Variants in CFHR2 observed in about 807,000 individuals in gnomAD.
The protein encoded by CFHR2 is complement factor H related 2, also known as complement factor H-related protein 2.
Under a neutral mutation model 21.7 loss-of-function variants are expected in CFHR2, and 22 were observed. The observed-to-expected ratio is 1.01, with a 90% CI of 0.72 to 1.45. The LOEUF (loss-of-function observed/expected upper bound fraction) is 1.45, where lower values mean the gene tolerates loss of function less well. Among genes scored for constraint, CFHR2 ranks in the 40% most tolerant of loss-of-function variants. The pLI is 0.00. For missense variants in CFHR2, 294 were observed against 293.3 expected, an observed-to-expected ratio of 1.00 and a Z score of -0.02; for synonymous variants, 98 against 97.4, an observed-to-expected ratio of 1.01 and a Z score of -0.04.
At chr1:196,949,939 G>C (rs952443960) in intron 2 of CFHR2, among the ~76,000 whole-genome samples, 18 of 152,034 alleles carry the variant, frequency 1.2e-4, no homozygotes, top group Admixed American at 1.1e-3. Flanking sequence ...ATATTCATTT[G>C]GCAGCAGCCT....
At chr1:196,948,366 C>T (rs1428913991) in intron 1 of CFHR2, among the ~76,000 whole-genome samples, 5 of 152,214 alleles carry the variant, frequency 3.3e-5, no homozygotes, top group African/African-American at 1.2e-4. Context: ...ACATACCCCT[C>T]CTGGGTTCAA....
At chr1:196,958,200 G>A (rs1652972303) in intron 4 of CFHR2, 127 bp downstream of exon 4, 1 of 869,028 alleles carries the variant, frequency 1.2e-6, no homozygotes, top group Non-Finnish European at 1.7e-6. Context: ...CCTACCAAAT[G>A]TCTATATGAT....
rs763376449 is a variant in CFHR2 at position 196,958,078 on chromosome 1, G to A, written c.613+5G>A. 8.1e-6 allele frequency: 13 copies of A among 1,611,872 alleles called. No homozygotes were observed. The highest frequency in any genetic ancestry group is 1.6e-4 in the Middle Eastern group (1 of 6,072). ...CAGAACCACCAAAATGCTTAGGTAA[G>A]TACTTTAATATTCTCATGGATTCTG... On this transcript the variant is annotated splice_donor_5th_base_variant and intron_variant, in intron 4 of 4. Coordinates refer to ENST00000367415, the MANE Select transcript of CFHR2 (RefSeq NM_005666.4).
intron 1 of CFHR2, among the ~76,000 whole-genome samples, chr1:196,946,773 T>C (rs1558266316): frequency 6.6e-6 from 1 of 152,190 alleles, no homozygotes; most frequent in Non-Finnish European, 1.5e-5. Flanking sequence ...ACATTAACCG[T>C]TTTACAGTTA....
chr1:196,954,190 T>C (rs1427195112), intron 3 of CFHR2, among the ~76,000 whole-genome samples: 2 of 152,126 alleles, frequency 1.3e-5, no homozygotes, highest in African/African-American at 2.4e-5. Flanking sequence ...ATGGGCGAAA[T>C]TGGCCAAAAG....
chr1:196,953,719 G>C (rs1199024287), intron 3 of CFHR2, among the ~76,000 whole-genome samples: 3 of 152,156 alleles, frequency 2.0e-5, no homozygotes, highest in African/African-American at 7.2e-5. Flanking sequence ...AGTGAAATGA[G>C]TCATATTCTA....
intron 3 of CFHR2, among the ~76,000 whole-genome samples, chr1:196,956,991 G>T (rs1360449009): frequency 1.3e-5 from 2 of 152,150 alleles, no homozygotes; most frequent in Non-Finnish European, 2.9e-5. Context: ...CATGTGGGTA[G>T]AAGTCTAGGT....
Position 196,957,917 on chromosome 1 carries a change from C to T in CFHR2, c.457C>T (p.Pro153Ser), listed in dbSNP as rs758379031. The part of the protein sequence containing the change: ...TISAEKCGPP[P>S]PIDNGDITSF... ...TTCTGCAGAAAAATGTGGGCCCCCTCCACCTATTGACAATGGAGACATTAC... is the reference window on the plus strand; with the variant it reads ...TTCTGCAGAAAAATGTGGGCCCCCTTCACCTATTGACAATGGAGACATTAC... Residue 153 changes from proline to serine, a missense_variant, in exon 4 of 5, where the codon CCA becomes TCA. By Grantham distance (74) the Pro-to-Ser change is moderately conservative. Transcript: ENST00000367415. The T allele has an allele frequency of 5.0e-6, 8 of 1,612,640 alleles. No homozygotes were observed. The highest frequency in any genetic ancestry group is 6.8e-6 in the Non-Finnish European group (8 of 1,179,226).
intron 3 of CFHR2, among the ~76,000 whole-genome samples, chr1:196,955,103 G>A (rs1652814666): frequency 6.6e-6 from 1 of 152,132 alleles, no homozygotes; most frequent in Admixed American, 6.6e-5. Context: ...TTTATACTCT[G>A]TCACTCTTGA....
At chr1:196,949,750 C>T (rs1659657145) in intron 2 of CFHR2, 101 bp downstream of exon 2, 1 of 1,459,986 alleles carries the variant, frequency 6.8e-7, no homozygotes, top group African/African-American at 1.4e-5. Flanking sequence ...GAGCAGTGAC[C>T]AGAGGAGCTG....
Position 196,959,063 on chromosome 1 carries a change from A to AGTTGTGAAGAAAAATAGAATCAATG in CFHR2, c.798_*9dup. On this transcript the variant is annotated stop_gained and frameshift_variant, in exon 5 of 5. Coordinates refer to ENST00000367415, the MANE Select transcript of CFHR2 (RefSeq NM_005666.4). LOFTEE classifies it low-confidence loss of function (END_TRUNC). Reference sequence around the variant, plus strand: ...TCAGAATGGGAAACTGGTATATCCCAGTTGTGAAGAAAAATAGAATCAATG... The same window carrying AGTTGTGAAGAAAAATAGAATCAATG: ...TCAGAATGGGAAACTGGTATATCCCAGTTGTGAAGAAAAATAGAATCAATGGTTGTGAAGAAAAATAGAATCAATG... The AGTTGTGAAGAAAAATAGAATCAATG allele has an allele frequency of 6.2e-7, 1 of 1,603,764 alleles. No homozygotes were observed.
In CFHR2 at chr1:196,959,219, A is replaced by G. The variant is rs1653025839; in HGVS notation, c.*139A>G. ...GTTTTGTGTTGATTTGTGAAAATGC[A>G]ATTACAATCTGAGATGTGTCACAAT... On this transcript the variant is annotated 3_prime_UTR_variant, in exon 5 of 5. Coordinates refer to ENST00000367415, the MANE Select transcript of CFHR2 (RefSeq NM_005666.4). 6.1e-6 allele frequency: 4 copies of G among 657,212 alleles called. No homozygotes were observed. In the South Asian group the frequency reaches 8.8e-5, roughly 14 times the overall value. The allele number at this position is 657,212 out of a possible 1,614,324, so 40.7% of individuals were successfully genotyped here. A position where few individuals can be genotyped will look rare whatever the true frequency, so the allele number is the denominator to read the frequency against.
At chr1:196,946,814 T>G (rs1468872881) in intron 1 of CFHR2, among the ~76,000 whole-genome samples, 2 of 152,240 alleles carry the variant, frequency 1.3e-5, no homozygotes, top group East Asian at 1.9e-4. Flanking sequence ...AAGTTAACTA[T>G]AAAATACTGA....
Position 196,959,035 on chromosome 1 carries a change from G to C in CFHR2, c.768G>C (p.Met256Ile). 4 of 1,612,366 alleles carry C rather than the reference G, an allele frequency of 2.5e-6. No individual in the cohort carries two copies. Among genetic ancestry groups the C allele is most frequent in the Non-Finnish European group, 3.4e-6 (4 of 1,179,016 alleles). Residue 256 changes from methionine to isoleucine, a missense_variant, in exon 5 of 5, where the codon ATG becomes ATC. Met to Ile is a conservative substitution (Grantham distance 10, BLOSUM62 1). Transcript: ENST00000367415. ...CAAAATCTCATTCATTTCGAGCAAT[G>C]TGTCAGAATGGGAAACTGGTATATC... is the stretch of plus-strand genomic sequence containing the variant. ...HPTKSHSFRA[M>I]CQNGKLVYPS...
chr1:196,955,147 T>A (rs1251246429), intron 3 of CFHR2, among the ~76,000 whole-genome samples: 1 of 152,220 alleles, frequency 6.6e-6, no homozygotes, highest in Non-Finnish European at 1.5e-5. Context: ...CTACTCCAGT[T>A]ACCCTAAATC....
At chr1:196,949,723 A>G in intron 2 of CFHR2, 74 bp downstream of exon 2, 1 of 1,573,324 alleles carries the variant, frequency 6.4e-7, no homozygotes, top group South Asian at 1.1e-5. Flanking sequence ...AAGATCATAA[A>G]CACTTGATAA....
intron 1 of CFHR2, among the ~76,000 whole-genome samples, chr1:196,947,922 T>C (rs950454956): frequency 2.0e-5 from 3 of 152,090 alleles, no homozygotes; most frequent in African/African-American, 7.2e-5. Flanking sequence ...GAGGAAGTGG[T>C]ATATAGAAAT....
intron 3 of CFHR2, among the ~76,000 whole-genome samples, chr1:196,955,422 G>T (rs1336050780): frequency 4.6e-5 from 7 of 152,056 alleles, no homozygotes; most frequent in Admixed American, 3.3e-4. Flanking sequence ...TCCAACCTCT[G>T]CCTGTTACCC....
intron 3 of CFHR2, among the ~76,000 whole-genome samples, chr1:196,957,606 A>G (rs1488240943): frequency 2.6e-5 from 4 of 152,186 alleles, no homozygotes; most frequent in African/African-American, 7.2e-5. Flanking sequence ...GTGTTTTGTC[A>G]TAGCTTTCTA....
Sources: gnomAD v4.1 joint callset for allele counts (sites outside exome capture counted in the v4.1 genomes callset) on GRCh38, gnomAD v4.1.1 for gene constraint, MANE v1.5 for transcripts, NCBI Gene and HGNC (gene_info 2026-07-23, HGNC 2026-07-21) for gene names.